SNX9: variants seen among roughly 807,000 people sequenced by gnomAD.
The protein encoded by SNX9 is sorting nexin-9.
A neutral mutation model predicts 89.4 loss-of-function variants in SNX9; 44 were observed. That is an observed-to-expected ratio of 0.49 (90% CI 0.39 to 0.63). SNX9 has a LOEUF of 0.63. Among genes scored for constraint, SNX9 ranks in the 30% least tolerant of loss-of-function variants. SNX9 has a pLI of 0.00. For missense variants in SNX9, 578 were observed against 736.1 expected, an observed-to-expected ratio of 0.79 and a Z score of 2.49; for synonymous variants, 236 against 247.8, an observed-to-expected ratio of 0.95 and a Z score of 0.45.
At chr6:157,832,395 A>C (rs1257139322) in intron 1 of SNX9, among the ~76,000 whole-genome samples, 3 of 152,220 alleles carry the variant, frequency 2.0e-5, no homozygotes, top group African/African-American at 7.2e-5. Flanking sequence ...CTCAAAGGGC[A>C]CAATGTCTTG....
chr6:157,880,733 C>T (rs1442674446), intron 4 of SNX9, among the ~76,000 whole-genome samples: 1 of 152,202 alleles, frequency 6.6e-6, no homozygotes, highest in East Asian at 1.9e-4. Context: ...TAACAGATTT[C>T]CTGTCTTTTC....
intron 7 of SNX9, 82 bp from the exon 8 acceptor site, chr6:157,909,583 A>G: frequency 2.6e-6 from 4 of 1,534,436 alleles, no homozygotes; most frequent in Non-Finnish European, 3.6e-6. Context: ...CATTCTGAAA[A>G]GAATTACTTG....
At chr6:157,871,384 A>C (rs1782407668) in intron 2 of SNX9, among the ~76,000 whole-genome samples, 1 of 152,160 alleles carries the variant, frequency 6.6e-6, no homozygotes, top group Non-Finnish European at 1.5e-5. Context: ...GTGTCTCAAA[A>C]AAAAGAAAAT....
rs115249165 is a variant in SNX9, at chr6:157,908,382, G to A, written c.706-1283G>A. ...TGTTTGTTTTTTCATTCTCTTCTTG[G>A]ATTATAACTCAATTATTTTTCATTT... On this transcript the variant is annotated intron_variant, in intron 7 of 17. Transcript: ENST00000392185. 5.8e-3 allele frequency among the ~76,000 whole-genome samples: 881 copies of A among 152,094 alleles called. 12 individuals are homozygous for A. The highest frequency in any genetic ancestry group is 0.02 in the African/African-American group (835 of 41,480).
intron 16 of SNX9, 25 bp from the exon 17 acceptor site, chr6:157,940,858 A>C: frequency 6.2e-7 from 1 of 1,605,976 alleles, no homozygotes; most frequent in Non-Finnish European, 8.5e-7. Flanking sequence ...GGGAAAACTG[A>C]TTGATGTTCT....
At chr6:157,938,803 A>G in intron 16 of SNX9, 56 bp downstream of exon 16, 1 of 1,344,888 alleles carries the variant, frequency 7.4e-7, no homozygotes, top group Non-Finnish European at 1.1e-6. Context: ...TCCCCAGCAA[A>G]GTTTCCCTTG....
In SNX9 at chr6:157,844,587, G is replaced by GTTTTTTTTTTTTT. The variant is rs1177648226; in HGVS notation, c.12+21153_12+21154insTTTTTTTTTTTTT. ...ATTTTTAATCTTGTGGCTAATCCTT[G>GTTTTTTTTTTTTT]TTTTTTTTTTTTGTTTTTTTTTTTG... On this transcript the variant is annotated intron_variant, in intron 1 of 17. Transcript: ENST00000392185. Among the ~76,000 whole-genome samples the GTTTTTTTTTTTTT allele has an allele frequency of 1.0e-3, 132 of 130,258 alleles. 6 individuals carry two copies. The highest frequency in any genetic ancestry group is 2.6e-3 in the African/African-American group (86 of 32,878). The allele number at this position is 130,258 out of a possible 152,430, so 85.5% of individuals were successfully genotyped here. A position where few individuals can be genotyped will look rare whatever the true frequency, so the allele number is the denominator to read the frequency against.
At chr6:157,866,206 C>T (rs1005790781) in intron 1 of SNX9, among the ~76,000 whole-genome samples, 1 of 152,162 alleles carries the variant, frequency 6.6e-6, no homozygotes, top group African/African-American at 2.4e-5. Flanking sequence ...TCTCAAGGAT[C>T]CTCTTGAGGA....
At chr6:157,926,481 G>T (rs546079311) in intron 10 of SNX9, among the ~76,000 whole-genome samples, 18 of 152,182 alleles carry the variant, frequency 1.2e-4, no homozygotes, top group Non-Finnish European at 2.1e-4. Context: ...TGAGGCACTA[G>T]GTCAGAATGC....
At chr6:157,937,625 ACAAT>A in intron 15 of SNX9, 102 bp downstream of exon 15, 5 of 493,208 alleles carry the variant, frequency 1.0e-5, no homozygotes, top group Non-Finnish European at 1.7e-5. Context: ...TAAAAAAGAA[ACAAT>A]CTATAATTCC....
chr6:157,826,393 G>C (rs1419800518), intron 1 of SNX9, among the ~76,000 whole-genome samples: 1 of 151,406 alleles, frequency 6.6e-6, no homozygotes, highest in Non-Finnish European at 1.5e-5. Flanking sequence ...CCAGCTACTC[G>C]GGAGGCTGAG....
At position 157,875,120 on chromosome 6, in the gene SNX9, T is replaced by C. The variant is rs778212801; in HGVS notation, c.244T>C (p.Ser82Pro). 7.4e-6 allele frequency: 12 copies of C among 1,613,932 alleles called. No individual in the cohort carries two copies. In the East Asian group the frequency reaches 1.8e-4, roughly 24 times the overall value. Residue 82 changes from serine to proline, a missense_variant, in exon 4 of 18, where the codon TCT becomes CCT. By Grantham distance (74) the Ser-to-Pro change is moderately conservative. Transcript: ENST00000392185. ...AGTGGCTGACCAAGCCTTCCTTGAT[T>C]CTCTCTCAGCCAGCACAGCTCAGGC... is the stretch of plus-strand genomic sequence containing the variant. ...NSVADQAFLD[S>P]LSASTAQASS...
Position 157,938,766 on chromosome 6 carries a change from T to TA in SNX9, c.1648+20dup. On this transcript the variant is annotated intron_variant, in intron 16 of 17. Transcript: ENST00000392185. Reference sequence around the variant, plus strand: ...TTGCAAGGTAAGATGAAAGGGTCCTTATGAGGTGCTGGTGGAAGTTTTTTT... The same window carrying TA: ...TTGCAAGGTAAGATGAAAGGGTCCTTAATGAGGTGCTGGTGGAAGTTTTTTT... The TA allele has an allele frequency of 6.3e-7, 1 of 1,583,434 alleles. No individual in the cohort carries two copies. The highest frequency in any genetic ancestry group is 1.4e-5 in the African/African-American group (1 of 73,052).
intron 1 of SNX9, among the ~76,000 whole-genome samples, chr6:157,841,923 C>T (rs1386446575): frequency 1.3e-5 from 2 of 152,064 alleles, no homozygotes; most frequent in Non-Finnish European, 2.9e-5. Flanking sequence ...GTGACACTCC[C>T]CTGTGTACTC....
intron 2 of SNX9, among the ~76,000 whole-genome samples, chr6:157,869,825 C>T (rs976814997): frequency 1.3e-5 from 2 of 151,916 alleles, no homozygotes; most frequent in African/African-American, 4.8e-5. Context: ...CGTACTCTCA[C>T]GCACTCTCTC....
intron 1 of SNX9, among the ~76,000 whole-genome samples, chr6:157,840,095 AGGCTGGTGCTTGGGGTGTCTTTG>A (rs1781666262): frequency 4.1e-5 from 6 of 147,844 alleles, no homozygotes; most frequent in African/African-American, 1.3e-4. Context: ...GCAGACCCTC[AGGCTGGTGCTTGGGGTGTCTTTG>A]GATCTCGGGA....
chr6:157,910,126 G>T (rs769675020), intron 9 of SNX9, 101 bp downstream of exon 9: 56 of 854,700 alleles, frequency 6.6e-5, no homozygotes, highest in Non-Finnish European at 9.5e-5. Flanking sequence ...CTGTAGAGCA[G>T]CAGGATGCAG....
At chr6:157,927,768 C>T (rs1226972962) in intron 11 of SNX9, among the ~76,000 whole-genome samples, 3 of 140,726 alleles carry the variant, frequency 2.1e-5, no homozygotes, top group South Asian at 2.2e-4. Context: ...GCTCTGTCAC[C>T]CAGGCTGGAG....
intron 12 of SNX9, among the ~76,000 whole-genome samples, chr6:157,930,337 T>A (rs1385761083): frequency 1.3e-5 from 2 of 152,176 alleles, no homozygotes; most frequent in African/African-American, 4.8e-5. Flanking sequence ...GAATTAGCCC[T>A]GAGAAAATAA....
Sources: gnomAD v4.1 joint callset for allele counts (sites outside exome capture counted in the v4.1 genomes callset) on GRCh38, gnomAD v4.1.1 for gene constraint, MANE v1.5 for transcripts, NCBI Gene and HGNC (gene_info 2026-07-23, HGNC 2026-07-21) for gene names.